The following ADAMTS20 variants were observed in gnomAD, a reference collection of about 807,000 sequenced individuals.
The protein encoded by ADAMTS20 is ADAM metallopeptidase with thrombospondin type 1 motif 20.
A neutral mutation model predicts 260.1 loss-of-function variants in ADAMTS20; 225 were observed. The observed-to-expected ratio is 0.87, with a 90% confidence interval of 0.78 to 0.97. ADAMTS20 has a LOEUF of 0.97. Among genes scored for constraint, ADAMTS20 ranks in the 50% least tolerant of loss-of-function variants. The pLI, the probability that ADAMTS20 is intolerant of heterozygous loss-of-function variation, is 0.00. For missense variants in ADAMTS20, 2,400 were observed against 2,337.7 expected (o/e 1.03, Z -0.55); for synonymous variants, 802 against 769.5 (o/e 1.04, Z -0.70).
chr12:43,402,043 C>T (rs1211964776), intron 28 of ADAMTS20, among the ~76,000 whole-genome samples: 3 of 151,944 alleles, frequency 2.0e-5, no homozygotes, highest in Non-Finnish European at 4.4e-5. Flanking sequence ...AAATACACAT[C>T]AATCTTTCAC....
At chr12:43,506,158 C>CAACAAAAA (rs138056848) in intron 3 of ADAMTS20, among the ~76,000 whole-genome samples, 39 of 151,398 alleles carry the variant, frequency 2.6e-4, no homozygotes, top group African/African-American at 6.3e-4. Flanking sequence ...ACAACAACAA[C>CAACAAAAA]AAAGGAAGGA....
intron 31 of ADAMTS20, among the ~76,000 whole-genome samples, chr12:43,380,028 T>G (rs964657678): frequency 6.7e-6 from 1 of 149,718 alleles, no homozygotes; most frequent in African/African-American, 2.4e-5. Context: ...AGAATATAGA[T>G]GTAAAGTTCT....
At chr12:43,513,625 G>A (rs993985469) in intron 3 of ADAMTS20, among the ~76,000 whole-genome samples, 4 of 151,982 alleles carry the variant, frequency 2.6e-5, no homozygotes, top group Non-Finnish European at 2.9e-5. Context: ...TGTTTATTGC[G>A]GCACTATTCA....
intron 31 of ADAMTS20, among the ~76,000 whole-genome samples, chr12:43,381,644 G>A (rs1019927064): frequency 6.7e-6 from 1 of 149,794 alleles, no homozygotes; most frequent in African/African-American, 2.5e-5. Flanking sequence ...AGCTAGAGAT[G>A]GTGGCACATG....
At chr12:43,530,287 A>T (rs1198830900) in intron 3 of ADAMTS20, among the ~76,000 whole-genome samples, 1 of 151,436 alleles carries the variant, frequency 6.6e-6, no homozygotes, top group Non-Finnish European at 1.5e-5. Context: ...TTTTCTTCTT[A>T]AGAAGCTAAA....
At position 43,399,175 on chromosome 12, in the gene ADAMTS20, AATTGGT is replaced by A. The variant is rs1940760475; in HGVS notation, c.4337_4342del (p.Asp1446_Phe1448delinsVal). The A allele has an allele frequency of 3.8e-6, 6 of 1,579,140 alleles. No individual in the cohort carries two copies. The highest frequency in any genetic ancestry group is 5.2e-6 in the Non-Finnish European group (6 of 1,160,978). On this transcript the variant is annotated inframe_deletion, in exon 29 of 39. Coordinates refer to ENST00000389420, the MANE Select transcript of ADAMTS20 (RefSeq NM_025003.5). ...ATTTGTGTCTTCTAATTTCCTTTGG[AATTGGT>A]CAATGCAAAACACTTCACGGTACTT...
Position 43,551,323 on chromosome 12 carries a change from A to C in ADAMTS20, c.92-53T>G. 2 of 1,562,392 alleles carry C rather than the reference A, an allele frequency of 1.3e-6. No individual in the cohort carries two copies. Among genetic ancestry groups the C allele is most frequent in the Non-Finnish European group, 1.7e-6 (2 of 1,153,296 alleles). On this transcript the variant is annotated intron_variant, in intron 1 of 38. Transcript: ENST00000389420. The surrounding 1 kb of genome is among the most constrained non-coding windows in gnomAD (Gnocchi z 4.6). The stretch of plus-strand genomic sequence containing the variant: ...GCTCCCACGCGTTCCTCATTGTCCA[A>C]CTCTAAACTTCTTCCACCAAACGTC...
At chr12:43,501,461 ACGCGCGCGCG>A (rs3036316) in intron 4 of ADAMTS20, among the ~76,000 whole-genome samples, 33 of 131,238 alleles carry the variant, frequency 2.5e-4, no homozygotes, top group East Asian at 6.5e-4. Flanking sequence ...GGAGGGGGAT[ACGCGCGCGCG>A]CGCGCGCGCG....
At chr12:43,501,832 G>T (rs1041282028) in intron 4 of ADAMTS20, among the ~76,000 whole-genome samples, 1 of 152,098 alleles carries the variant, frequency 6.6e-6, no homozygotes, top group Non-Finnish European at 1.5e-5. Flanking sequence ...GTTTCAAAGA[G>T]CAAAAAGATC....
chr12:43,517,858 G>T (rs1447764874), intron 3 of ADAMTS20, among the ~76,000 whole-genome samples: 2 of 152,000 alleles, frequency 1.3e-5, no homozygotes, highest in Non-Finnish European at 2.9e-5. Flanking sequence ...GTCCAAAACA[G>T]ATCTACAATA....
intron 31 of ADAMTS20, among the ~76,000 whole-genome samples, chr12:43,379,569 C>T (rs377442432): frequency 2.2e-4 from 34 of 152,264 alleles, no homozygotes; most frequent in East Asian, 1.2e-3. Context: ...ACTCCCAACC[C>T]CCCAACACAC....
rs1409478406 is a variant in ADAMTS20, at chr12:43,430,371, C to A, written c.3362G>T (p.Ser1121Ile). ...VLEDTECHEA[S>I]RPSDRQSCVL... ...TTTTACCTGTCTGTCACTGGGGCGA[C>A]TAGCTTCATGGCATTCTGTGTCCTC... Residue 1121 changes from serine (S) to isoleucine (I), a missense_variant, in exon 23 of 39, where the codon AGT (serine) becomes ATT (isoleucine). Ser to Ile is a moderately radical substitution (Grantham distance 142, BLOSUM62 -2). Coordinates refer to ENST00000389420, the MANE Select transcript of ADAMTS20 (RefSeq NM_025003.5). The A allele has an allele frequency of 3.1e-6, 5 of 1,612,218 alleles. No individual in the cohort carries two copies. The African/African-American group carries it at 6.7e-5, about 22-fold the overall frequency.
At chr12:43,498,413 TC>T (rs79835749) in intron 4 of ADAMTS20, among the ~76,000 whole-genome samples, 3,063 of 152,260 alleles carry the variant, frequency 0.02, 61 homozygotes, top group East Asian at 0.1. Context: ...CTGAAAGCAT[TC>T]CCCTATTTCC....
rs186419107 is a variant in ADAMTS20 at position 43,548,070 on chromosome 12, T to C, written c.453+2839A>G. ...ATGAATTCTTGAATCCACCAATATA[T>C]GAAACAACACTCATTAGCAGAAAAA... is the stretch of plus-strand genomic sequence containing the variant. On this transcript the variant is annotated intron_variant, in intron 2 of 38. Coordinates refer to ENST00000389420, the MANE Select transcript of ADAMTS20 (RefSeq NM_025003.5). Among the ~76,000 whole-genome samples, 42 of 152,200 alleles carry C rather than the reference T, an allele frequency of 2.8e-4. No individual in the cohort carries two copies. The East Asian group carries it at 6.8e-3, about 24-fold the overall frequency.
chr12:43,404,308 G>A (rs938320451), intron 28 of ADAMTS20, among the ~76,000 whole-genome samples: 5 of 151,200 alleles, frequency 3.3e-5, no homozygotes, highest in Non-Finnish European at 7.4e-5. Flanking sequence ...TAATACCAAC[G>A]CACCATGAAC....
chr12:43,423,695 T>C (rs1941276632), intron 28 of ADAMTS20: 1 of 700,164 alleles, frequency 1.4e-6, no homozygotes, highest in Non-Finnish European at 2.6e-6. Flanking sequence ...AATATCTTTT[T>C]ATAGTGAGTT....
At position 43,466,735 on chromosome 12, in the gene ADAMTS20, A is replaced by G. The variant is rs774120572; in HGVS notation, c.1284T>C (p.His428=). 23 of 1,610,784 alleles carry G rather than the reference A, an allele frequency of 1.4e-5. No individual in the cohort carries two copies. Among genetic ancestry groups the G allele is most frequent in the African/African-American group, 1.3e-5 (1 of 74,848 alleles). ...GAAAACTTAAAGCAGGGGCCATTACATGATACTTTGTAACTTTCATTTCTT... is the reference window on the plus strand; with the variant it reads ...GAAAACTTAAAGCAGGGGCCATTACGTGATACTTTGTAACTTTCATTTCTT... The part of the protein sequence containing the change: ...RCKEMKVTKY[H]VMAPALSFHM... Residue 428 remains histidine, a synonymous_variant, in exon 9 of 39, where the codon CAT becomes CAC. Transcript: ENST00000389420.
intron 3 of ADAMTS20, among the ~76,000 whole-genome samples, chr12:43,531,694 T>C (rs998217647): frequency 6.6e-6 from 1 of 152,102 alleles, no homozygotes; most frequent in African/African-American, 2.4e-5. Context: ...ATACAAGGAA[T>C]AGGCTACTGT....
chr12:43,513,152 C>A (rs1278301991), intron 3 of ADAMTS20, among the ~76,000 whole-genome samples: 2 of 152,108 alleles, frequency 1.3e-5, no homozygotes, highest in African/African-American at 2.4e-5. Flanking sequence ...AAAGAAGGCA[C>A]TAGAAACCCC....
Sources: gnomAD v4.1 joint callset for allele counts (sites outside exome capture counted in the v4.1 genomes callset) on GRCh38, gnomAD v4.1.1 for gene constraint, Gnocchi (gnomAD v3.1) non-coding constraint, MANE v1.5 for transcripts, NCBI Gene and HGNC (gene_info 2026-07-23, HGNC 2026-07-21) for gene names.